Variants in EIF5B observed in about 807,000 individuals in gnomAD.
EIF5B encodes the protein eukaryotic translation initiation factor 5B.
In EIF5B, 47 loss-of-function variants were observed where a neutral mutation model predicts 147.5. That is an observed-to-expected ratio of 0.32 (90% CI 0.25 to 0.41). The LOEUF is 0.41. Among genes scored for constraint, EIF5B ranks in the 10% least tolerant of loss-of-function variants. The probability of loss-of-function intolerance (pLI) is 1.00; values close to 1 mark genes in which losing one functional copy is unlikely to be tolerated. For missense variants in EIF5B, 1,064 were observed against 1,413.2 expected, an observed-to-expected ratio of 0.75 and a Z score of 3.96; for synonymous variants, 455 against 456.2, an observed-to-expected ratio of 1.00 and a Z score of 0.03.
Position 99,361,494 on chromosome 2 carries a change from A to G in EIF5B, c.593A>G (p.Lys198Arg). 6.2e-7 allele frequency: 1 copy of G among 1,614,050 alleles called. No individual in the cohort carries two copies. Among genetic ancestry groups the G allele is most frequent in the Non-Finnish European group, 8.5e-7 (1 of 1,180,002 alleles). The change falls in exon 4 of 24, where the codon AAA (lysine) becomes AGA (arginine). Residue 198 changes from lysine to arginine, a missense_variant. Transcript: ENST00000289371. ...DESDEFLQSR[K>R]GQKKNQKNKP... ...TCAGATGAATTTTTGCAATCTAGAAAAGGACAGAAAAAAAATCAGAAAAAC... is the reference window on the plus strand; with the variant it reads ...TCAGATGAATTTTTGCAATCTAGAAGAGGACAGAAAAAAAATCAGAAAAAC...
At chr2:99,350,478 G>T (rs2105338390) in intron 1 of EIF5B, among the ~76,000 whole-genome samples, 1 of 151,858 alleles carries the variant, frequency 6.6e-6, no homozygotes, top group South Asian at 2.1e-4. Context: ...CTAGTCTAAG[G>T]TGTGATATCT....
At chr2:99,394,916 T>C (rs749476847) in intron 21 of EIF5B, 33 bp downstream of exon 21, 2 of 1,518,354 alleles carry the variant, frequency 1.3e-6, no homozygotes, top group Admixed American at 4.0e-5. Context: ...TTTGAGTCTT[T>C]GTTAATGAAC....
Position 99,376,595 on chromosome 2 carries a change from A to G in EIF5B, c.1801A>G (p.Lys601Glu). 2 of 1,612,730 alleles carry G rather than the reference A, an allele frequency of 1.2e-6. No individual in the cohort carries two copies. Among genetic ancestry groups the G allele is most frequent in the Non-Finnish European group, 1.7e-6 (2 of 1,179,648 alleles). Reference protein sequence around the residue: ...SEYDSDDDRTKEERAYDKAKR... With the variant: ...SEYDSDDDRTEEERAYDKAKR... ...ATATGACTCTGATGATGATCGGACT[A>G]AAGAAGAAAGGGCTTATGACAAAGC... is the stretch of plus-strand genomic sequence containing the variant. The change falls in exon 10 of 24, where the codon AAA (lysine) becomes GAA (glutamate). Residue 601 changes from lysine (K) to glutamate (E), a missense_variant. Physicochemically the swap from Lys to Glu is moderately conservative, Grantham distance 56. Coordinates refer to ENST00000289371, the MANE Select transcript of EIF5B (RefSeq NM_015904.4).
chr2:99,392,937 A>G (rs1574941569), intron 17 of EIF5B, 30 bp from the exon 18 acceptor site: 1 of 1,407,542 alleles, frequency 7.1e-7, no homozygotes, highest in African/African-American at 1.5e-5. Context: ...TTTAAAGTAC[A>G]TTTGGTAACA....
intron 10 of EIF5B, among the ~76,000 whole-genome samples, chr2:99,377,597 A>C (rs1161722916): frequency 3.3e-5 from 5 of 151,998 alleles, no homozygotes; most frequent in African/African-American, 1.2e-4. Flanking sequence ...AGAGTGATGG[A>C]ATATCTGTAC....
At chr2:99,350,744 T>C (rs1485785889) in intron 1 of EIF5B, among the ~76,000 whole-genome samples, 2 of 152,210 alleles carry the variant, frequency 1.3e-5, no homozygotes, top group African/African-American at 2.4e-5. Flanking sequence ...TTTATTGTAT[T>C]TGTCGGTTTA....
intron 13 of EIF5B, 73 bp from the exon 14 acceptor site, chr2:99,382,707 G>T (rs1205359431): frequency 7.1e-7 from 1 of 1,407,092 alleles, no homozygotes; most frequent in Middle Eastern, 2.4e-4. Context: ...GTTTTACAGA[G>T]AAGTTTAAAA....
intron 14 of EIF5B, among the ~76,000 whole-genome samples, chr2:99,386,632 C>A (rs1490881571): frequency 6.8e-6 from 1 of 146,690 alleles, no homozygotes; most frequent in Non-Finnish European, 1.5e-5. Context: ...CAGGCTCAAG[C>A]GATTCTTGTG....
rs1019457466 is a variant in EIF5B, at chr2:99,400,983, CTT to C, written c.*1570_*1571del. 3 of 261,784 alleles carry C rather than the reference CTT, an allele frequency of 1.1e-5. No individual in the cohort carries two copies. The highest frequency in any genetic ancestry group is 6.6e-5 in the African/African-American group (3 of 45,494). The allele number at this position is 261,784 out of a possible 1,614,324, so 16.2% of individuals were successfully genotyped here. ...GTTCTTTATTAAACAACTGTAAACA[CTT>C]CACTGTAAAAATCCATAAAACTTTA... On this transcript the variant is annotated 3_prime_UTR_variant, in exon 24 of 24. Coordinates refer to ENST00000289371, the MANE Select transcript of EIF5B (RefSeq NM_015904.4).
intron 1 of EIF5B, among the ~76,000 whole-genome samples, chr2:99,347,997 T>C (rs1376771349): frequency 6.6e-6 from 1 of 152,152 alleles, no homozygotes. Flanking sequence ...TCTGTGTTCC[T>C]CCCCACTTAA....
At chr2:99,356,696 C>G (rs1208375132) in intron 1 of EIF5B, among the ~76,000 whole-genome samples, 1 of 151,988 alleles carries the variant, frequency 6.6e-6, no homozygotes, top group Non-Finnish European at 1.5e-5. Context: ...TCCTTACTTC[C>G]TACCATTACA....
Position 99,394,704 on chromosome 2 carries a change from GT to G in EIF5B, c.3090-11del. The G allele has an allele frequency of 2.5e-6, 4 of 1,611,082 alleles. No individual in the cohort carries two copies. Among genetic ancestry groups the G allele is most frequent in the Non-Finnish European group, 3.4e-6 (4 of 1,178,934 alleles). On this transcript the variant is annotated splice_polypyrimidine_tract_variant and intron_variant, in intron 20 of 23. Transcript: ENST00000289371. ...TTTTTCACTGAATGGTCTTTGATGTGTTTTAACCTTTTAGGTATGCAGTAAT... is the reference window on the plus strand; with the variant it reads ...TTTTTCACTGAATGGTCTTTGATGTGTTTAACCTTTTAGGTATGCAGTAAT...
At chr2:99,341,164 G>A (rs949679044) in intron 1 of EIF5B, among the ~76,000 whole-genome samples, 7 of 152,318 alleles carry the variant, frequency 4.6e-5, no homozygotes, top group African/African-American at 1.7e-4. Context: ...TGAGACAAAG[G>A]CTAGGATTCA....
chr2:99,394,365 T>C lies in EIF5B; in HGVS notation c.2979T>C (p.Ala993=). 6.2e-7 allele frequency: 1 copy of C among 1,614,034 alleles called. No individual in the cohort carries two copies. The highest frequency in any genetic ancestry group is 8.5e-7 in the Non-Finnish European group (1 of 1,179,998). Residue 993 remains alanine, a synonymous_variant, in exon 19 of 24, where the codon GCT becomes GCC. Coordinates refer to ENST00000289371, the MANE Select transcript of EIF5B (RefSeq NM_015904.4). The part of the protein sequence containing the change: ...VQASTLGSLE[A]LLEFLKTSEV... ...CATCTACACTGGGTTCTTTGGAAGC[T>C]CTACTGGAATTTCTGAAAACATCAG...
intron 1 of EIF5B, among the ~76,000 whole-genome samples, chr2:99,349,148 C>G (rs797011477): frequency 2.0e-5 from 3 of 152,354 alleles, no homozygotes; most frequent in African/African-American, 7.2e-5. Flanking sequence ...ATTTAGCAAG[C>G]AGTCATACAA....
chr2:99,363,646 T>C lies in EIF5B; in HGVS notation c.921T>C (p.Asp307=), dbSNP rs1284974745. Residue 307 remains aspartate (D), a splice_region_variant and synonymous_variant, in exon 5 of 24, where the codon GAT becomes GAC. Transcript: ENST00000289371. ...EKAETPTAAE[D]DNEGDKKKKD... is the part of the protein sequence containing the mutation. ...CTTTGCCTTTATTCTTTTTGGTAGA[T>C]GACAATGAAGGAGACAAAAAGAAGA... The C allele has an allele frequency of 6.3e-7, 1 of 1,575,262 alleles. No individual in the cohort carries two copies. The highest frequency in any genetic ancestry group is 8.5e-7 in the Non-Finnish European group (1 of 1,170,038).
chr2:99,375,456 G>A (rs1674542528), intron 9 of EIF5B, among the ~76,000 whole-genome samples: 2 of 152,188 alleles, frequency 1.3e-5, no homozygotes, highest in South Asian at 2.1e-4. Flanking sequence ...CTAGGGTACA[G>A]CTCTTCATGA....
At chr2:99,394,961 T>C in intron 21 of EIF5B, 78 bp downstream of exon 21, 1 of 1,329,018 alleles carries the variant, frequency 7.5e-7, no homozygotes. Context: ...GAAAGGGCTG[T>C]AAACAGCAAA....
At chr2:99,345,938 T>G (rs1473834965) in intron 1 of EIF5B, among the ~76,000 whole-genome samples, 1 of 71,946 alleles carries the variant, frequency 1.4e-5, no homozygotes, top group Non-Finnish European at 3.3e-5. Flanking sequence ...AGCTAGACCC[T>G]GTCTCAAAAA....
Sources: allele counts gnomAD v4.1 joint callset (sites outside exome capture counted in the v4.1 genomes callset), GRCh38; gene constraint gnomAD v4.1.1; transcripts MANE v1.5; gene names NCBI Gene and HGNC (gene_info 2026-07-23, HGNC 2026-07-21).